Variants in HRH1 observed in about 807,000 individuals in gnomAD.
HRH1 encodes the protein histamine receptor H1, also known as histamine H1 receptor.
A neutral mutation model predicts 10.3 loss-of-function variants in HRH1; 6 were observed. The ratio of observed to expected loss-of-function variants is 0.58; its 90% CI spans 0.32 to 1.15. The LOEUF (loss-of-function observed/expected upper bound fraction) is 1.15, where lower values mean the gene tolerates loss of function less well. Ranked by LOEUF, HRH1 falls within the 50% of genes most tolerant of loss-of-function variation. HRH1 has a pLI of 0.05. For missense variants in HRH1, 514 were observed against 615.3 expected (o/e 0.84, Z 1.74); for synonymous variants, 242 against 236.7 (o/e 1.02, Z -0.21).
At chr3:11,173,995 C>A (rs1372770093) in intron 1 of HRH1, among the ~76,000 whole-genome samples, 2 of 152,174 alleles carry the variant, frequency 1.3e-5, no homozygotes, top group Admixed American at 6.6e-5. Context: ...AGGAGTAGGG[C>A]TTGAAGATCT....
At chr3:11,180,255 A>C (rs1473805574) in intron 1 of HRH1, among the ~76,000 whole-genome samples, 2 of 152,174 alleles carry the variant, frequency 1.3e-5, no homozygotes, top group Non-Finnish European at 2.9e-5. Context: ...ACTTCCTCCT[A>C]CACCAGCAGT....
intron 1 of HRH1, among the ~76,000 whole-genome samples, chr3:11,167,549 C>T (rs1353770710): frequency 6.6e-6 from 1 of 152,256 alleles, no homozygotes; most frequent in Non-Finnish European, 1.5e-5. Flanking sequence ...ATCTGCTGTC[C>T]CCTGGCTTCT....
At chr3:11,161,931 C>T (rs544307127) in intron 1 of HRH1, among the ~76,000 whole-genome samples, 2 of 152,110 alleles carry the variant, frequency 1.3e-5, no homozygotes, top group African/African-American at 4.8e-5. Context: ...CTGTACCAAT[C>T]GAGAATGAAG....
chr3:11,188,779 T>C (rs2125020367), intron 1 of HRH1, among the ~76,000 whole-genome samples: 1 of 152,290 alleles, frequency 6.6e-6, no homozygotes, highest in Admixed American at 6.5e-5. Flanking sequence ...CACAATGTCG[T>C]GTTTAGTGAA....
chr3:11,184,623 C>G (rs1241362899), intron 1 of HRH1, among the ~76,000 whole-genome samples: 2 of 152,148 alleles, frequency 1.3e-5, no homozygotes, highest in Non-Finnish European at 2.9e-5. Flanking sequence ...GGAAAAGAAT[C>G]AGGCTAATCT....
At chr3:11,252,853 T>A (rs1171071309) in intron 1 of HRH1, 1 of 152,176 alleles carries the variant, frequency 6.6e-6, no homozygotes. Context: ...TTAACATGAA[T>A]CAGAGAAATC....
chr3:11,216,315 A>G lies in HRH1; in HGVS notation c.-35-42688A>G, dbSNP rs188114459. ...AAAGCAGGGTCTTGAAGAGACGTCT[A>G]TATACACCCATGTTCATAGCAGCAT... is the stretch of plus-strand genomic sequence containing the variant. On this transcript the variant is annotated intron_variant, in intron 1 of 1. Coordinates refer to ENST00000431010, the MANE Select transcript of HRH1 (RefSeq NM_001098212.2). Among the ~76,000 whole-genome samples, 30 of 152,352 alleles carry G rather than the reference A, an allele frequency of 2.0e-4. No homozygotes were observed. In the East Asian group the frequency reaches 2.3e-3, roughly 12 times the overall value.
chr3:11,249,590 T>C lies in HRH1; in HGVS notation c.-35-9413T>C, dbSNP rs567642616. 3.1e-4 allele frequency among the ~76,000 whole-genome samples: 47 copies of C among 152,252 alleles called. 1 individual carries two copies. The Middle Eastern group carries it at 0.014, about 44-fold the overall frequency. On this transcript the variant is annotated intron_variant, in intron 1 of 1. Transcript: ENST00000431010. Reference sequence around the variant, plus strand: ...AAGCTGGGATAGTAATGGAAATTTGTACAGGATTACACTGGTTATATTGGC... The same window carrying C: ...AAGCTGGGATAGTAATGGAAATTTGCACAGGATTACACTGGTTATATTGGC...
chr3:11,163,854 C>T (rs1936976753), intron 1 of HRH1, among the ~76,000 whole-genome samples: 1 of 152,104 alleles, frequency 6.6e-6, no homozygotes, highest in African/African-American at 2.4e-5. Context: ...CCTGAATACC[C>T]CCCACCCCTA....
intron 1 of HRH1, among the ~76,000 whole-genome samples, chr3:11,235,877 A>C (rs1939168450): frequency 6.6e-6 from 1 of 152,252 alleles, no homozygotes; most frequent in South Asian, 2.1e-4. Context: ...GGCTGGACAC[A>C]GCAGGCTTTT....
rs149868102 is a variant in HRH1 at position 11,177,569 on chromosome 3, G to A, written c.-36+23015G>A. On this transcript the variant is annotated intron_variant, in intron 1 of 1. Coordinates refer to ENST00000431010, the MANE Select transcript of HRH1 (RefSeq NM_001098212.2). ...GCTCACATTCATAACTCTCACCACAGCACTCGTCCCCCTGAGCTGTGATTC... is the reference window on the plus strand; with the variant it reads ...GCTCACATTCATAACTCTCACCACAACACTCGTCCCCCTGAGCTGTGATTC... 2.4e-4 allele frequency among the ~76,000 whole-genome samples: 37 copies of A among 152,222 alleles called. No homozygotes were observed. In the East Asian group the frequency reaches 7.2e-3, roughly 30 times the overall value.
chr3:11,213,399 G>A (rs1021701995), intron 1 of HRH1, among the ~76,000 whole-genome samples: 3 of 152,228 alleles, frequency 2.0e-5, no homozygotes, highest in African/African-American at 7.2e-5. Context: ...CATGGCTATA[G>A]AGGTTTGCAA....
chr3:11,226,981 C>A (rs1938903825), intron 1 of HRH1, among the ~76,000 whole-genome samples: 1 of 151,932 alleles, frequency 6.6e-6, no homozygotes, highest in Non-Finnish European at 1.5e-5. Flanking sequence ...TCTGTATATC[C>A]TGACAACAGT....
At chr3:11,150,688 A>G (rs1936589360), upstream of HRH1, among the ~76,000 whole-genome samples, 3 of 152,258 alleles carry the variant, frequency 2.0e-5, no homozygotes, top group South Asian at 6.2e-4. Flanking sequence ...GTTGGGGGAC[A>G]TGGGTTCTGT....
At chr3:11,179,756 C>T (rs1937317141) in intron 1 of HRH1, among the ~76,000 whole-genome samples, 2 of 147,546 alleles carry the variant, frequency 1.4e-5, no homozygotes, top group East Asian at 4.0e-4. Flanking sequence ...TGCTATTGTG[C>T]GTGTGTGTGT....
chr3:11,172,568 C>T (rs1937171542), intron 1 of HRH1, among the ~76,000 whole-genome samples: 1 of 152,148 alleles, frequency 6.6e-6, no homozygotes, highest in East Asian at 1.9e-4. Flanking sequence ...AGAATCTCGA[C>T]CTCTCCTGGG....
intron 1 of HRH1, among the ~76,000 whole-genome samples, chr3:11,141,272 T>C (rs1936287498): frequency 6.6e-6 from 1 of 152,194 alleles, no homozygotes; most frequent in Admixed American, 6.5e-5. Context: ...AAGGGTTAAA[T>C]GAAAAATCAC....
At chr3:11,153,777 C>T (rs1936707913), upstream of HRH1, among the ~76,000 whole-genome samples, 1 of 152,170 alleles carries the variant, frequency 6.6e-6, no homozygotes, top group Admixed American at 6.5e-5. Context: ...CACTCCTCCC[C>T]TTGCTGCTCG....
At chr3:11,254,638 A>G (rs1939737860) in intron 1 of HRH1, among the ~76,000 whole-genome samples, 1 of 152,204 alleles carries the variant, frequency 6.6e-6, no homozygotes, top group Non-Finnish European at 1.5e-5. Context: ...GGCCACCGCA[A>G]CAAAGCAGCG....
Sources: allele counts gnomAD v4.1 joint callset (sites outside exome capture counted in the v4.1 genomes callset), GRCh38; gene constraint gnomAD v4.1.1; transcripts MANE v1.5; gene names NCBI Gene and HGNC (gene_info 2026-07-23, HGNC 2026-07-21).